ZNF487: variants seen among roughly 807,000 people sequenced by gnomAD.
ZNF487 encodes KRAB domain only 1.
In ZNF487, 4 loss-of-function variants were observed where a neutral mutation model predicts 3.0. That is an observed-to-expected ratio of 1.35 (90% CI 0.66 to 3.08). The LOEUF (loss-of-function observed/expected upper bound fraction) is 3.08. Among genes scored for constraint, ZNF487 ranks in the 30% most tolerant of loss-of-function variants. The probability of loss-of-function intolerance (pLI) is 0.01; values close to 1 mark genes in which losing one functional copy is unlikely to be tolerated. For synonymous variants in ZNF487, 55 were observed against 34.6 expected (o/e 1.59, Z -2.06); for missense variants, 146 against 98.7 (o/e 1.48, Z -2.03).
At chr10:43,480,540 C>G (rs1340073907) in intron 3 of ZNF487, among the ~76,000 whole-genome samples, 1 of 150,880 alleles carries the variant, frequency 6.6e-6, no homozygotes. Context: ...CTCAGCCTCC[C>G]GAGTAGCTGG....
At chr10:43,517,970 G>T in the ZNF487 span, among the ~76,000 whole-genome samples, 1 of 152,166 alleles carries the variant, frequency 6.6e-6, no homozygotes, top group Non-Finnish European at 1.5e-5. Context: ...TCCTGACCAA[G>T]GGTCAGCACC....
At chr10:43,502,911 G>T in the ZNF487 span, among the ~76,000 whole-genome samples, 11 of 151,482 alleles carry the variant, frequency 7.3e-5, no homozygotes, top group African/African-American at 2.7e-4. Flanking sequence ...CATGCCTGTA[G>T]TCTCAGCTAT....
intron 1 of ZNF487, among the ~76,000 whole-genome samples, chr10:43,465,135 C>T (rs1168508175): frequency 6.0e-5 from 7 of 115,938 alleles, no homozygotes; most frequent in Admixed American, 2.1e-4. Context: ...GCTGGCCGGG[C>T]GGGGGGCTGA....
At chr10:43,474,227 T>C (rs1170570124) in intron 1 of ZNF487, among the ~76,000 whole-genome samples, 1 of 150,480 alleles carries the variant, frequency 6.6e-6, no homozygotes, top group Non-Finnish European at 1.5e-5. Context: ...TTTGGGAGGC[T>C]GAGGTGGGCC....
chr10:43,521,874 ATATAT>A, the ZNF487 span, among the ~76,000 whole-genome samples: 15 of 150,268 alleles, frequency 1.0e-4, no homozygotes, highest in African/African-American at 3.4e-4. Flanking sequence ...CGTATATATT[ATATAT>A]TATATGTATA....
At chr10:43,517,000 T>G in the ZNF487 span, among the ~76,000 whole-genome samples, 1 of 152,236 alleles carries the variant, frequency 6.6e-6, no homozygotes, top group Non-Finnish European at 1.5e-5. Flanking sequence ...AGCAGCCTTG[T>G]CATCACATAG....
chr10:43,463,552 A>AT (rs34591446), intron 1 of ZNF487, among the ~76,000 whole-genome samples: 45 of 145,206 alleles, frequency 3.1e-4, no homozygotes, highest in East Asian at 1.2e-3. Context: ...AAAAAAAAAA[A>AT]TTTTTTTTTT....
chr10:43,450,324 A>G (rs996777427), intron 1 of ZNF487, among the ~76,000 whole-genome samples: 42 of 151,470 alleles, frequency 2.8e-4, no homozygotes, highest in Non-Finnish European at 4.4e-4. Context: ...CTGGGATTAC[A>G]GGTGTGAGCC....
the ZNF487 span, among the ~76,000 whole-genome samples, chr10:43,508,290 C>T: frequency 6.6e-6 from 1 of 152,198 alleles, no homozygotes; most frequent in Non-Finnish European, 1.5e-5. Flanking sequence ...AGAACTTCCC[C>T]TCCTTGTCTG....
At chr10:43,464,359 T>C (rs573946327) in intron 1 of ZNF487, among the ~76,000 whole-genome samples, 1 of 151,596 alleles carries the variant, frequency 6.6e-6, no homozygotes, top group South Asian at 2.1e-4. Context: ...ATTGTTTGTA[T>C]TTTTATTTTA....
At chr10:43,441,145 TCTCAAAGTGCA>T (rs1205839765) in intron 1 of ZNF487, among the ~76,000 whole-genome samples, 1 of 135,506 alleles carries the variant, frequency 7.4e-6, no homozygotes, top group African/African-American at 2.7e-5. Flanking sequence ...CACCTCAGCC[TCTCAAAGTGCA>T]GGTATTACAG....
intron 2 of ZNF487, 36 bp downstream of exon 2, chr10:43,475,883 T>G: frequency 1.4e-6 from 1 of 719,218 alleles, no homozygotes; most frequent in Admixed American, 2.1e-5. Context: ...CAAATAACAT[T>G]TATTTCCTTT....
chr10:43,498,089 ATATATATATATTTTTTTTTTTTTTCT>A, the ZNF487 span, among the ~76,000 whole-genome samples: 6 of 14,620 alleles, frequency 4.1e-4, no homozygotes, highest in South Asian at 2.9e-3. Context: ...ATATATATAT[ATATATATATATTTTTTTTTTTTTTCT>A]TTTTTTTTTT....
At chr10:43,448,100 C>T (rs1839877919) in intron 1 of ZNF487, among the ~76,000 whole-genome samples, 1 of 151,228 alleles carries the variant, frequency 6.6e-6, no homozygotes, top group African/African-American at 2.4e-5. Context: ...CGCTATTCTC[C>T]TGCCTCAGCC....
the ZNF487 span, among the ~76,000 whole-genome samples, chr10:43,502,293 A>G: frequency 6.6e-6 from 1 of 152,120 alleles, no homozygotes; most frequent in Non-Finnish European, 1.5e-5. Flanking sequence ...CAGAAAACCA[A>G]ACACCGCATA....
intron 1 of ZNF487, among the ~76,000 whole-genome samples, chr10:43,472,583 A>C (rs182730885): frequency 6.6e-6 from 1 of 152,252 alleles, no homozygotes; most frequent in Admixed American, 6.5e-5. Context: ...CAGGTTGCTA[A>C]GCGCCAATCC....
the ZNF487 span, among the ~76,000 whole-genome samples, chr10:43,521,025 T>C: frequency 6.6e-6 from 1 of 152,202 alleles, no homozygotes; most frequent in Non-Finnish European, 1.5e-5. Flanking sequence ...GTTAATATTG[T>C]GTTGAATCTG....
intron 1 of ZNF487, among the ~76,000 whole-genome samples, chr10:43,469,679 T>C (rs1840835171): frequency 6.6e-6 from 1 of 152,022 alleles, no homozygotes; most frequent in African/African-American, 2.4e-5. Flanking sequence ...AATTAGGATA[T>C]GTCTGTACAC....
At chr10:43,438,844 G>A (rs2132024370) in intron 1 of ZNF487, among the ~76,000 whole-genome samples, 1 of 152,278 alleles carries the variant, frequency 6.6e-6, no homozygotes, top group South Asian at 2.1e-4. Flanking sequence ...ACTTTGGGAG[G>A]CCAAGGTGGG....
Sources: gnomAD v4.1 joint callset for allele counts (sites outside exome capture counted in the v4.1 genomes callset) on GRCh38, gnomAD v4.1.1 for gene constraint, MANE v1.5 for transcripts, NCBI Gene and HGNC (gene_info 2026-07-23, HGNC 2026-07-21) for gene names.